Variants in CHUK observed in about 807,000 individuals in gnomAD.
CHUK encodes inhibitor of nuclear factor kappa-B kinase subunit alpha.
A neutral mutation model predicts 104.8 loss-of-function variants in CHUK; 35 were observed. The observed-to-expected ratio is 0.33, with a 90% CI of 0.26 to 0.44. The LOEUF is 0.44. Among genes scored for constraint, CHUK ranks in the 20% least tolerant of loss-of-function variants. The pLI, the probability that CHUK is intolerant of heterozygous loss-of-function variation, is 1.00. For missense variants in CHUK, 663 were observed against 902.7 expected, an observed-to-expected ratio of 0.73 and a Z score of 3.40; for synonymous variants, 276 against 291.9, an observed-to-expected ratio of 0.95 and a Z score of 0.56.
chr10:100,224,416 C>A lies in CHUK; in HGVS notation c.201-1436G>T, dbSNP rs17883037. Reference sequence around the variant, plus strand: ...GATACTAAATGTTTGCTATTTTAAGCCACTAAATGTTGGGGTAATTTATTT... The same window carrying A: ...GATACTAAATGTTTGCTATTTTAAGACACTAAATGTTGGGGTAATTTATTT... On this transcript the variant is annotated intron_variant, in intron 2 of 20. Transcript: ENST00000370397. Among the ~76,000 whole-genome samples the A allele has an allele frequency of 2.6e-5, 4 of 152,048 alleles. No individual in the cohort carries two copies. In the South Asian group the frequency reaches 6.2e-4, roughly 24 times the overall value.
downstream of CHUK, chr10:100,187,474 T>C (rs1845071579): frequency 6.6e-6 from 1 of 152,226 alleles, no homozygotes; most frequent in Non-Finnish European, 1.5e-5. Flanking sequence ...AGAGCTTAGC[T>C]ATTTTAACTT....
intron 13 of CHUK, among the ~76,000 whole-genome samples, chr10:100,203,634 G>A (rs1189626408): frequency 6.6e-6 from 1 of 152,004 alleles, no homozygotes; most frequent in African/African-American, 2.4e-5. Context: ...AATGCTGGTA[G>A]TATGACTCCT....
chr10:100,199,636 T>TA (rs1845416921), intron 16 of CHUK, among the ~76,000 whole-genome samples: 1 of 152,156 alleles, frequency 6.6e-6, no homozygotes, highest in South Asian at 2.1e-4. Flanking sequence ...CCAACCTCTC[T>TA]AATCTTAAGC....
chr10:100,225,570 A>T lies in CHUK; in HGVS notation c.200+353T>A, dbSNP rs563048316. 5.9e-5 allele frequency among the ~76,000 whole-genome samples: 9 copies of T among 152,312 alleles called. No homozygotes were observed. The South Asian group carries it at 1.9e-3, about 32-fold the overall frequency. ...TAATGTTATGAATATGAGTGTACAA[A>T]TTACTCTTTAAGTCCCTGCTTTCAA... On this transcript the variant is annotated intron_variant, in intron 2 of 20. Transcript: ENST00000370397.
chr10:100,193,297 C>A lies in CHUK; in HGVS notation c.2108+1G>T. On this transcript the variant is annotated splice_donor_variant, in intron 19 of 20. Coordinates refer to ENST00000370397, the MANE Select transcript of CHUK (RefSeq NM_001278.5). LOFTEE classifies it high-confidence loss of function. ...TATCTATTGTTACAAAGTAAACCCA[C>A]CCATCTTGAGGAGTTACCACACATG... is the stretch of plus-strand genomic sequence containing the variant. 1 of 1,614,088 alleles carries A rather than the reference C, an allele frequency of 6.2e-7. No homozygotes were observed. The highest frequency in any genetic ancestry group is 8.5e-7 in the Non-Finnish European group (1 of 1,179,980).
intron 14 of CHUK, among the ~76,000 whole-genome samples, chr10:100,201,209 C>G (rs3818411): frequency 3.3e-5 from 5 of 151,896 alleles, no homozygotes; most frequent in Non-Finnish European, 7.4e-5. Flanking sequence ...CACCCCAGGA[C>G]ACCATGGGTA....
intron 16 of CHUK, among the ~76,000 whole-genome samples, chr10:100,199,516 G>A (rs1433380598): frequency 3.9e-5 from 6 of 152,100 alleles, no homozygotes; most frequent in Non-Finnish European, 8.8e-5. Flanking sequence ...TAGTAGAGAT[G>A]GGGTTTCACC....
chr10:100,205,412 CA>C (rs1274189062), intron 11 of CHUK, among the ~76,000 whole-genome samples: 4 of 152,176 alleles, frequency 2.6e-5, no homozygotes, highest in African/African-American at 9.7e-5. Context: ...GCTCCACATA[CA>C]AGGGGGGAAA....
At chr10:100,213,675 C>T (rs1320453195) in intron 9 of CHUK, among the ~76,000 whole-genome samples, 1 of 152,064 alleles carries the variant, frequency 6.6e-6, no homozygotes, top group Non-Finnish European at 1.5e-5. Context: ...GCATGCACCA[C>T]CATCCCTGGC....
Position 100,189,335 on chromosome 10 carries a change from T to TA in CHUK, c.*262dup. 2 of 456,108 alleles carry TA rather than the reference T, an allele frequency of 4.4e-6. No individual in the cohort carries two copies. The highest frequency in any genetic ancestry group is 7.9e-6 in the Non-Finnish European group (2 of 253,556). 28.3% of individuals were successfully genotyped at this position (456,108 alleles called of 1,614,324 possible). A position where few individuals can be genotyped will look rare whatever the true frequency, so the allele number is the denominator to read the frequency against. On this transcript the variant is annotated 3_prime_UTR_variant, in exon 21 of 21. Coordinates refer to ENST00000370397, the MANE Select transcript of CHUK (RefSeq NM_001278.5). Reference sequence around the variant, plus strand: ...GGCAAATGTGTCGTGATGATGCTTCTAAATAGCTGTGGTATTAAAACAAAT... The same window carrying TA: ...GGCAAATGTGTCGTGATGATGCTTCTAAAATAGCTGTGGTATTAAAACAAAT...
At chr10:100,225,209 T>C (rs1237868880) in intron 2 of CHUK, among the ~76,000 whole-genome samples, 1 of 152,214 alleles carries the variant, frequency 6.6e-6, no homozygotes, top group Non-Finnish European at 1.5e-5. Context: ...AACTGTTTAA[T>C]TCTGCAAAGC....
chr10:100,203,111 G>T (rs896367523), intron 13 of CHUK, among the ~76,000 whole-genome samples: 1 of 152,066 alleles, frequency 6.6e-6, no homozygotes, highest in African/African-American at 2.4e-5. Flanking sequence ...ACTATAAAAG[G>T]ATATAAACAG....
rs34375161 is a variant in CHUK at position 100,196,385 on chromosome 10, G to GTT, written c.1730-1866_1730-1865dup. Among the ~76,000 whole-genome samples the GTT allele has an allele frequency of 8.1e-3, 1,044 of 128,172 alleles. 17 individuals carry two copies. The highest frequency in any genetic ancestry group is 0.059 in the East Asian group (264 of 4,498). The allele number at this position is 128,172 out of a possible 152,430, so 84.1% of individuals were successfully genotyped here. A position where few individuals can be genotyped will look rare whatever the true frequency, so the allele number is the denominator to read the frequency against. ...CACAGGTTTTTCATTTCTGCTCTGG[G>GTT]TTTTTTTTTTTTTTTTTTTTAAGAA... On this transcript the variant is annotated intron_variant, in intron 16 of 20. Coordinates refer to ENST00000370397, the MANE Select transcript of CHUK (RefSeq NM_001278.5).
intron 16 of CHUK, 48 bp from the exon 17 acceptor site, chr10:100,194,569 T>G: frequency 7.8e-7 from 1 of 1,275,422 alleles, no homozygotes; most frequent in Non-Finnish European, 1.1e-6. Flanking sequence ...CTGTAACATA[T>G]CAGCCTCCAA....
chr10:100,202,455 T>C lies in CHUK; in HGVS notation c.1508-306A>G, dbSNP rs7904293. ...CACAGGGGAGAATGCTCTGTGACAA[T>C]GGAGACAGATTGAGGTGCTGCAGCT... On this transcript the variant is annotated intron_variant, in intron 13 of 20. Transcript: ENST00000370397. Among the ~76,000 whole-genome samples the C allele has an allele frequency of 0.076, 11,552 of 152,218 alleles. 784 individuals carry two copies. Among genetic ancestry groups the C allele is most frequent in the African/African-American group, 0.18 (7,270 of 41,512 alleles).
At position 100,205,133 on chromosome 10, in the gene CHUK, T is replaced by TAGTG; in HGVS notation, c.1294_1297dup (p.Tyr433SerfsTer11). 6.2e-7 allele frequency: 1 copy of TAGTG among 1,613,988 alleles called. No individual in the cohort carries two copies. Among genetic ancestry groups the TAGTG allele is most frequent in the Non-Finnish European group, 8.5e-7 (1 of 1,179,826 alleles). ...ATAGTCTTCTTTTAGTCCAGACACATAGTGCACTGCTTCAGCCCACACTTT... is the reference window on the plus strand; with the variant it reads ...ATAGTCTTCTTTTAGTCCAGACACATAGTGAGTGCACTGCTTCAGCCCACACTTT... On this transcript the variant is annotated frameshift_variant, in exon 12 of 21. Transcript: ENST00000370397. LOFTEE classifies it high-confidence loss of function.
intron 2 of CHUK, among the ~76,000 whole-genome samples, chr10:100,224,733 G>C (rs747863921): frequency 1.3e-5 from 2 of 152,094 alleles, no homozygotes; most frequent in African/African-American, 4.8e-5. Flanking sequence ...CACCACGCCC[G>C]GCCCTAGCTG....
Position 100,193,451 on chromosome 10 carries a change from C to A in CHUK, c.1975-20G>T. The A allele has an allele frequency of 1.2e-6, 2 of 1,613,826 alleles. No individual in the cohort carries two copies. The highest frequency in any genetic ancestry group is 1.7e-6 in the Non-Finnish European group (2 of 1,179,842). ...CTGTGTCTGAAGGAAAAGAAAAAAA[C>A]ATCAAAAGATTACAGGCAAGCATCT... On this transcript the variant is annotated intron_variant, in intron 18 of 20. Coordinates refer to ENST00000370397, the MANE Select transcript of CHUK (RefSeq NM_001278.5).
chr10:100,213,946 T>C (rs576374962), intron 9 of CHUK, among the ~76,000 whole-genome samples: 1 of 152,368 alleles, frequency 6.6e-6, no homozygotes, highest in South Asian at 2.1e-4. Context: ...TTTTCTTTAA[T>C]ATAAATCTTT....
Sources: allele counts gnomAD v4.1 joint callset (sites outside exome capture counted in the v4.1 genomes callset), GRCh38; gene constraint gnomAD v4.1.1; transcripts MANE v1.5; gene names NCBI Gene and HGNC (gene_info 2026-07-23, HGNC 2026-07-21).